COX7B2: variants seen among roughly 807,000 people sequenced by gnomAD.
The protein encoded by COX7B2 is cytochrome c oxidase subunit 7B2, also known as cytochrome c oxidase subunit 7B2, mitochondrial.
For missense variants in COX7B2, 109 were observed against 95.9 expected (o/e 1.14, Z -0.57); for synonymous variants, 37 against 32.1 (o/e 1.15, Z -0.51).
Position 46,841,375 on chromosome 4 carries a change from T to TG in COX7B2, c.-50+3584_-50+3585insC, listed in dbSNP as rs1560414303. On this transcript the variant is annotated intron_variant, in intron 2 of 2. Transcript: ENST00000355591. ...TGTGTGTGTGTGTGTGTGTGTGTGT[T>TG]TAAGATGGGCTGGCAGGAGATGCCA... Among the ~76,000 whole-genome samples the TG allele has an allele frequency of 3.3e-3, 336 of 100,678 alleles. 2 individuals are homozygous for TG. Among genetic ancestry groups the TG allele is most frequent in the African/African-American group, 0.011 (314 of 29,864 alleles). The allele number at this position is 100,678 out of a possible 152,430, so 66.0% of individuals were successfully genotyped here.
At chr4:46,804,589 C>A (rs1050949292) in intron 2 of COX7B2, among the ~76,000 whole-genome samples, 25 of 151,962 alleles carry the variant, frequency 1.6e-4, no homozygotes, top group Admixed American at 5.2e-4. Flanking sequence ...GCTAGAGTAG[C>A]TAGATACAGA....
intron 1 of COX7B2, among the ~76,000 whole-genome samples, chr4:46,856,913 G>A (rs1483169839): frequency 6.6e-6 from 1 of 152,168 alleles, no homozygotes; most frequent in Non-Finnish European, 1.5e-5. Flanking sequence ...AGGTGAAATG[G>A]TGACTAGGAA....
At chr4:46,789,014 C>A (rs1220436268) in intron 2 of COX7B2, among the ~76,000 whole-genome samples, 1 of 152,088 alleles carries the variant, frequency 6.6e-6, no homozygotes, top group Non-Finnish European at 1.5e-5. Flanking sequence ...CTAAGTCAAC[C>A]CTGGTGTATT....
intron 2 of COX7B2, among the ~76,000 whole-genome samples, chr4:46,820,627 A>C (rs1340161227): frequency 3.3e-5 from 5 of 152,028 alleles, no homozygotes; most frequent in Non-Finnish European, 5.9e-5. Flanking sequence ...CAGGAGTTCG[A>C]GACCAGCCTG....
intron 2 of COX7B2, among the ~76,000 whole-genome samples, chr4:46,766,923 G>A (rs1716577219): frequency 6.6e-6 from 1 of 151,834 alleles, no homozygotes; most frequent in Admixed American, 6.6e-5. Flanking sequence ...ACATCATACG[G>A]GAATAAAGCA....
intron 2 of COX7B2, among the ~76,000 whole-genome samples, chr4:46,779,786 C>G (rs975672001): frequency 6.6e-6 from 1 of 150,662 alleles, no homozygotes; most frequent in Non-Finnish European, 1.5e-5. Context: ...AACTTGAATA[C>G]AAGGAAGCAG....
intron 1 of COX7B2, among the ~76,000 whole-genome samples, chr4:46,871,809 T>C (rs1251663213): frequency 1.3e-5 from 2 of 151,774 alleles, no homozygotes; most frequent in Non-Finnish European, 2.9e-5. Flanking sequence ...AAAATGGCTA[T>C]TAAAAAAAAT....
chr4:46,812,897 C>T (rs1377107262), intron 2 of COX7B2, among the ~76,000 whole-genome samples: 3 of 152,148 alleles, frequency 2.0e-5, no homozygotes, highest in South Asian at 4.1e-4. Flanking sequence ...GCCAGGGGCT[C>T]ATATTTCCAG....
intron 1 of COX7B2, among the ~76,000 whole-genome samples, chr4:46,901,128 G>T (rs574034239): frequency 6.6e-6 from 1 of 152,282 alleles, no homozygotes; most frequent in African/African-American, 2.4e-5. Context: ...AAAAGCATAT[G>T]TAACATTGAG....
At chr4:46,768,689 G>C (rs1254597263) in intron 2 of COX7B2, among the ~76,000 whole-genome samples, 1 of 151,968 alleles carries the variant, frequency 6.6e-6, no homozygotes, top group African/African-American at 2.4e-5. Context: ...ACCAGAACAA[G>C]AATAAACTAA....
intron 2 of COX7B2, among the ~76,000 whole-genome samples, chr4:46,763,071 T>A (rs1577676564): frequency 7.5e-6 from 1 of 133,436 alleles, no homozygotes; most frequent in Admixed American, 8.6e-5. Context: ...ATATATTATA[T>A]AATATATATT....
intron 2 of COX7B2, among the ~76,000 whole-genome samples, chr4:46,779,271 GTATTTTTCTTTCTGTGTCTGGCT>G (rs1217691613): frequency 6.6e-6 from 1 of 152,178 alleles, no homozygotes; most frequent in Non-Finnish European, 1.5e-5. Flanking sequence ...AGATCACACA[GTATTTTTCTTTCTGTGTCTGGCT>G]TATTTCACTT....
chr4:46,878,998 T>TC (rs1380373320), intron 1 of COX7B2, among the ~76,000 whole-genome samples: 1 of 152,226 alleles, frequency 6.6e-6, no homozygotes, highest in African/African-American at 2.4e-5. Flanking sequence ...TGATTGTAGG[T>TC]AAACAACATA....
At chr4:46,894,170 A>G (rs187657974) in intron 1 of COX7B2, among the ~76,000 whole-genome samples, 1 of 152,318 alleles carries the variant, frequency 6.6e-6, no homozygotes, top group African/African-American at 2.4e-5. Flanking sequence ...CCATTTAAAA[A>G]TTTATATGGA....
chr4:46,840,573 C>A (rs1426451493), intron 2 of COX7B2, among the ~76,000 whole-genome samples: 1 of 151,986 alleles, frequency 6.6e-6, no homozygotes, highest in Non-Finnish European at 1.5e-5. Context: ...TGATAGTAGG[C>A]ATTTGATCTA....
chr4:46,795,805 C>A (rs1223508290), intron 2 of COX7B2, among the ~76,000 whole-genome samples: 2 of 17,704 alleles, frequency 1.1e-4, no homozygotes, highest in Non-Finnish European at 1.1e-4. Flanking sequence ...TGGCCATTTT[C>A]ACGATATTGA....
At chr4:46,893,849 G>T (rs1719589413) in intron 1 of COX7B2, among the ~76,000 whole-genome samples, 1 of 152,018 alleles carries the variant, frequency 6.6e-6, no homozygotes, top group Non-Finnish European at 1.5e-5. Context: ...GTGAGAAAAA[G>T]AATTATCTTA....
intron 1 of COX7B2, among the ~76,000 whole-genome samples, chr4:46,889,209 T>C (rs951016158): frequency 2.6e-5 from 4 of 152,226 alleles, no homozygotes; most frequent in Admixed American, 1.3e-4. Context: ...CCTTTATAGA[T>C]GGTTCTCATA....
chr4:46,761,981 T>C (rs1577674535), intron 2 of COX7B2, among the ~76,000 whole-genome samples: 1 of 151,710 alleles, frequency 6.6e-6, no homozygotes, highest in South Asian at 2.1e-4. Context: ...ACAGTGTGAT[T>C]GTGTGTACAG....
Sources: allele counts gnomAD v4.1 joint callset (sites outside exome capture counted in the v4.1 genomes callset), GRCh38; gene constraint gnomAD v4.1.1; transcripts MANE v1.5; gene names NCBI Gene and HGNC (gene_info 2026-07-23, HGNC 2026-07-21).